SIPA1L1: variants seen among roughly 807,000 people sequenced by gnomAD.
The protein encoded by SIPA1L1 is signal induced proliferation associated 1 like 1.
In SIPA1L1, 26 loss-of-function variants were observed where a neutral mutation model predicts 162.7. The observed-to-expected ratio is 0.16, with a 90% CI of 0.12 to 0.22. The LOEUF is 0.22. SIPA1L1 is among the 10% of genes least tolerant of loss of function. The pLI, the probability that SIPA1L1 is intolerant of heterozygous loss-of-function variation, is 1.00. For synonymous variants in SIPA1L1, 829 were observed against 837.4 expected (o/e 0.99, Z 0.17); for missense variants, 1,874 against 2,241.0 (o/e 0.84, Z 3.31).
chr14:71,617,149 T>A (rs531767533), intron 5 of SIPA1L1, among the ~76,000 whole-genome samples: 2 of 152,330 alleles, frequency 1.3e-5, no homozygotes, highest in African/African-American at 4.8e-5. Context: ...TAAGTTCTTG[T>A]CTGCCTTTTT....
rs1056449343 is a variant in SIPA1L1, at chr14:71,425,944, C to CT, written c.-464-86792dup. The stretch of plus-strand genomic sequence containing the variant: ...GTATTTTTTGTTACTATATAATGTC[C>CT]TTTTTTTGTTTAATGTAAGCGTTTT... On this transcript the variant is annotated intron_variant, in intron 2 of 23. Coordinates refer to ENST00000381232, the MANE Select transcript of SIPA1L1 (RefSeq NM_001386936.1). 2.6e-5 allele frequency among the ~76,000 whole-genome samples: 4 copies of CT among 151,942 alleles called. No individual in the cohort carries two copies. The East Asian group carries it at 5.8e-4, about 22-fold the overall frequency.
At chr14:71,638,821 A>T (rs913357364) in intron 7 of SIPA1L1, among the ~76,000 whole-genome samples, 1 of 152,248 alleles carries the variant, frequency 6.6e-6, no homozygotes, top group African/African-American at 2.4e-5. Context: ...TTCAACATCA[A>T]CTTACAAAAA....
rs35395969 is a variant in SIPA1L1 at position 71,525,883 on chromosome 14, A to AT, written c.-361-3426dup. Among the ~76,000 whole-genome samples the AT allele has an allele frequency of 6.3e-3, 958 of 152,214 alleles. 3 individuals carry two copies. Among genetic ancestry groups the AT allele is most frequent in the Non-Finnish European group, 9.9e-3 (672 of 67,994 alleles). The stretch of plus-strand genomic sequence containing the variant: ...AGATTATGTTAAAATGCAGGGACTT[A>AT]TTTCTACCAGTCTCTTCACCCATCT... On this transcript the variant is annotated intron_variant, in intron 3 of 23. Coordinates refer to ENST00000381232, the MANE Select transcript of SIPA1L1 (RefSeq NM_001386936.1).
intron 4 of SIPA1L1, among the ~76,000 whole-genome samples, chr14:71,544,178 T>C (rs998448428): frequency 2.1e-4 from 32 of 151,016 alleles, no homozygotes; most frequent in Admixed American, 4.6e-4. Flanking sequence ...TATATGCACG[T>C]GTGTGTATAT....
intron 2 of SIPA1L1, among the ~76,000 whole-genome samples, chr14:71,370,163 C>T (rs1265027837): frequency 2.1e-5 from 3 of 145,758 alleles, no homozygotes; most frequent in Non-Finnish European, 4.5e-5. Flanking sequence ...TTTCCTTCTC[C>T]TGCCTAATTG....
chr14:71,544,121 A>T (rs1200975213), intron 4 of SIPA1L1, among the ~76,000 whole-genome samples: 1 of 151,236 alleles, frequency 6.6e-6, no homozygotes, highest in Non-Finnish European at 1.5e-5. Context: ...ATACACATAT[A>T]TGCACGTGTA....
chr14:71,562,092 A>G (rs1375709001), intron 4 of SIPA1L1, among the ~76,000 whole-genome samples: 1 of 151,920 alleles, frequency 6.6e-6, no homozygotes, highest in Non-Finnish European at 1.5e-5. Flanking sequence ...GTAAACTTTT[A>G]ATGTAAGTAA....
chr14:71,600,273 A>G (rs2036572912), intron 5 of SIPA1L1, among the ~76,000 whole-genome samples: 1 of 152,064 alleles, frequency 6.6e-6, no homozygotes, highest in South Asian at 2.1e-4. Context: ...TCTTTAATCC[A>G]TCTTCAGTTG....
At chr14:71,399,927 G>A (rs908066776) in intron 2 of SIPA1L1, among the ~76,000 whole-genome samples, 40 of 151,992 alleles carry the variant, frequency 2.6e-4, no homozygotes, top group African/African-American at 8.7e-4. Context: ...TGCCATGTTG[G>A]CTAGCCTAAT....
At chr14:71,443,585 A>G (rs1312844190) in intron 2 of SIPA1L1, among the ~76,000 whole-genome samples, 1 of 152,182 alleles carries the variant, frequency 6.6e-6, no homozygotes, top group Non-Finnish European at 1.5e-5. Flanking sequence ...TGGAAAACCA[A>G]CAAGTGTGCT....
intron 2 of SIPA1L1, among the ~76,000 whole-genome samples, chr14:71,454,635 A>G (rs561057665): frequency 1.7e-3 from 262 of 152,192 alleles, no homozygotes; most frequent in Non-Finnish European, 2.1e-3. Context: ...CACTTAGAAA[A>G]TGGACACTTA....
intron 12 of SIPA1L1, among the ~76,000 whole-genome samples, chr14:71,680,377 A>G (rs1019342891): frequency 4.6e-5 from 7 of 152,364 alleles, no homozygotes; most frequent in Admixed American, 1.3e-4. Context: ...TTTGAAACCA[A>G]TGAGAACAAA....
intron 2 of SIPA1L1, among the ~76,000 whole-genome samples, chr14:71,341,801 C>T (rs1006677859): frequency 6.6e-6 from 1 of 152,270 alleles, no homozygotes; most frequent in South Asian, 2.1e-4. Context: ...TAACGGCCTC[C>T]AGCTGTATCC....
At chr14:71,478,841 C>G (rs2142518436) in intron 2 of SIPA1L1, among the ~76,000 whole-genome samples, 1 of 152,228 alleles carries the variant, frequency 6.6e-6, no homozygotes, top group Admixed American at 6.5e-5. Flanking sequence ...ATCTTGAGAT[C>G]AGAGCTCCTC....
At chr14:71,623,739 A>G in intron 6 of SIPA1L1, among the ~76,000 whole-genome samples, 1 of 152,204 alleles carries the variant, frequency 6.6e-6, no homozygotes, top group East Asian at 1.9e-4. Flanking sequence ...TGGTATAGCC[A>G]TATAGAGACC....
At chr14:71,564,490 C>CTTTTTTTTTTTTTTTTT (rs370431365) in intron 4 of SIPA1L1, among the ~76,000 whole-genome samples, 4 of 97,774 alleles carry the variant, frequency 4.1e-5, no homozygotes, top group African/African-American at 4.1e-5. Context: ...CATTTTCTTT[C>CTTTTTTTTTTTTTTTTT]TTTTTTTTTT....
chr14:71,472,537 T>C (rs1486021619), intron 2 of SIPA1L1, among the ~76,000 whole-genome samples: 3 of 152,044 alleles, frequency 2.0e-5, no homozygotes, highest in Admixed American at 2.0e-4. Context: ...TTGAAAGTTG[T>C]CATGATGCTT....
intron 2 of SIPA1L1, among the ~76,000 whole-genome samples, chr14:71,485,924 C>A (rs892513174): frequency 5.9e-5 from 9 of 152,122 alleles, no homozygotes; most frequent in African/African-American, 2.2e-4. Context: ...CCATTTCCCC[C>A]CCTACATTGC....
At chr14:71,632,670 G>A (rs927576091) in intron 7 of SIPA1L1, among the ~76,000 whole-genome samples, 1 of 152,166 alleles carries the variant, frequency 6.6e-6, no homozygotes, top group Non-Finnish European at 1.5e-5. Flanking sequence ...TTACCAAAGT[G>A]TCAGTGAAAG....
Sources: allele counts gnomAD v4.1 joint callset (sites outside exome capture counted in the v4.1 genomes callset), GRCh38; gene constraint gnomAD v4.1.1; transcripts MANE v1.5; gene names NCBI Gene and HGNC (gene_info 2026-07-23, HGNC 2026-07-21).